The following STX16 variants were observed in gnomAD, a reference collection of about 807,000 sequenced individuals.
STX16 encodes syntaxin 16.
A neutral mutation model predicts 42.7 loss-of-function variants in STX16; 28 were observed. The ratio of observed to expected loss-of-function variants is 0.66; its 90% CI spans 0.49 to 0.90. The LOEUF (loss-of-function observed/expected upper bound fraction) is 0.90, where lower values mean the gene tolerates loss of function less well. Among genes scored for constraint, STX16 ranks in the 40% least tolerant of loss-of-function variants. The probability of loss-of-function intolerance (pLI) is 0.00; values close to 1 mark genes in which losing one functional copy is unlikely to be tolerated. For synonymous variants in STX16, 156 were observed against 155.2 expected (o/e 1.00, Z -0.04); for missense variants, 361 against 420.9 (o/e 0.86, Z 1.24).
At chr20:58,664,472 T>C (rs1038950099) in intron 2 of STX16, among the ~76,000 whole-genome samples, 6 of 152,242 alleles carry the variant, frequency 3.9e-5, no homozygotes, top group Admixed American at 2.0e-4. Context: ...TCTATCTTAC[T>C]GGCAAAACTC....
intron 1 of STX16, among the ~76,000 whole-genome samples, chr20:58,656,993 G>A (rs2083599287): frequency 6.6e-6 from 1 of 152,250 alleles, no homozygotes; most frequent in African/African-American, 2.4e-5. Context: ...GCTGGGGGCT[G>A]TGATTGGAAC....
intron 2 of STX16, among the ~76,000 whole-genome samples, chr20:58,665,443 G>A (rs1293505009): frequency 2.0e-5 from 3 of 152,120 alleles, no homozygotes; most frequent in African/African-American, 4.8e-5. Flanking sequence ...AGGGTGGAAG[G>A]GGTTTCTGGA....
intron 8 of STX16, among the ~76,000 whole-genome samples, chr20:58,673,969 A>G (rs2084043102): frequency 6.6e-6 from 1 of 152,236 alleles, no homozygotes; most frequent in Admixed American, 6.5e-5. Flanking sequence ...GTGACAGTAA[A>G]TTCTAAAGAG....
Position 58,671,187 on chromosome 20 carries a change from C to T in STX16, c.682C>T (p.Gln228Ter). The T allele has an allele frequency of 3.7e-6, 6 of 1,613,984 alleles. No homozygotes were observed. The highest frequency in any genetic ancestry group is 5.1e-6 in the Non-Finnish European group (6 of 1,179,952). Reference protein sequence around the residue: ...FTEDQLVLVEQNTLMVEERER... With the variant: ...FTEDQLVLVE Reference sequence around the variant, plus strand: ...AGAGGACCAGTTAGTTCTGGTGGAGCAGAACACACTGATGGTGGAAGAGCG... The same window carrying T: ...AGAGGACCAGTTAGTTCTGGTGGAGTAGAACACACTGATGGTGGAAGAGCG... The change falls in exon 7 of 9, where the codon CAG becomes TAG. Residue 228 changes from glutamine (Q) to a stop codon, truncating the protein, a stop_gained. Coordinates refer to ENST00000371141, the MANE Select transcript of STX16 (RefSeq NM_001001433.3). LOFTEE classifies it high-confidence loss of function.
chr20:58,656,388 T>TA, intron 1 of STX16, among the ~76,000 whole-genome samples: 1 of 152,358 alleles, frequency 6.6e-6, no homozygotes, highest in East Asian at 1.9e-4. Flanking sequence ...GTGCAGGTTT[T>TA]AAGGTAGCAA....
chr20:58,659,812 C>T (rs556895521), intron 2 of STX16, among the ~76,000 whole-genome samples, 178 bp downstream of exon 2: 3 of 152,228 alleles, frequency 2.0e-5, no homozygotes, highest in Non-Finnish European at 2.9e-5. Context: ...TATTTTCACA[C>T]CATGTGAACT....
rs1431618445 is a variant in STX16, at chr20:58,669,384, G to A, written c.487G>A (p.Ala163Thr). ...GGGGCGGCTGCTTGGGAACGTGGTG[G>A]CCTCGCTGGCGCAGGCCCTGCAGGA... ...QEGRLLGNVV[A>T]SLAQALQELS... The change falls in exon 5 of 9, where the codon GCC becomes ACC. Residue 163 changes from alanine (A) to threonine (T), a missense_variant. Coordinates refer to ENST00000371141, the MANE Select transcript of STX16 (RefSeq NM_001001433.3). 2 of 1,611,978 alleles carry A rather than the reference G, an allele frequency of 1.2e-6. No homozygotes were observed. Among genetic ancestry groups the A allele is most frequent in the Middle Eastern group, 1.7e-4 (1 of 6,056 alleles).
At chr20:58,667,402 C>T in intron 2 of STX16, 88 bp from the exon 3 acceptor site, 1 of 1,071,170 alleles carries the variant, frequency 9.3e-7, no homozygotes, top group Non-Finnish European at 1.4e-6. Context: ...TGTATCTTTT[C>T]AGGGAGTAAC....
chr20:58,669,984 A>T (rs1347567309), intron 5 of STX16, among the ~76,000 whole-genome samples: 1 of 152,186 alleles, frequency 6.6e-6, no homozygotes, highest in African/African-American at 2.4e-5. Flanking sequence ...CTCTCTTCTC[A>T]TTCTAATCAC....
At position 58,676,319 on chromosome 20, in the gene STX16, G is replaced by A. The variant is rs752895818; in HGVS notation, c.*28G>A. 39 of 1,590,150 alleles carry A rather than the reference G, an allele frequency of 2.5e-5. No individual in the cohort carries two copies. The highest frequency in any genetic ancestry group is 3.3e-5 in the South Asian group (3 of 90,520). On this transcript the variant is annotated 3_prime_UTR_variant, in exon 9 of 9. Transcript: ENST00000371141. ...GGCATTGGGTTTTCGTGTGTGCCGC[G>A]CGTGTGGATCTCCCGGGTGTGAGGG... is the stretch of plus-strand genomic sequence containing the variant.
At chr20:58,668,616 G>T (rs1412862845) in intron 4 of STX16, among the ~76,000 whole-genome samples, 1 of 151,564 alleles carries the variant, frequency 6.6e-6, no homozygotes, top group Non-Finnish European at 1.5e-5. Context: ...GAGGAGTGTG[G>T]TGCTTTGAGA....
At position 58,677,670 on chromosome 20, in the gene STX16, A is replaced by C. The variant is rs1335796206; in HGVS notation, c.*1379A>C. ...GTTTTTGCTTCTCTTAAAAAGTTTA[A>C]GAAGAATATGACCTCATTAAATGTG... On this transcript the variant is annotated 3_prime_UTR_variant, in exon 9 of 9. Coordinates refer to ENST00000371141, the MANE Select transcript of STX16 (RefSeq NM_001001433.3). 6.6e-6 allele frequency: 1 copy of C among 152,218 alleles called. No individual in the cohort carries two copies. Among genetic ancestry groups the C allele is most frequent in the Non-Finnish European group, 1.5e-5 (1 of 68,042 alleles). 9.4% of individuals were successfully genotyped at this position (152,218 alleles called of 1,614,324 possible).
At chr20:58,671,462 GTGTGTGTGTGTA>G (rs1568827785) in intron 7 of STX16, among the ~76,000 whole-genome samples, 165 bp downstream of exon 7, 54 of 121,100 alleles carry the variant, frequency 4.5e-4, no homozygotes, top group African/African-American at 1.7e-3. Context: ...GTGTGTGTGT[GTGTGTGTGTGTA>G]TATTAATATT....
At chr20:58,653,189 G>A (rs1600984092) in intron 1 of STX16, among the ~76,000 whole-genome samples, 1 of 152,182 alleles carries the variant, frequency 6.6e-6, no homozygotes, top group Non-Finnish European at 1.5e-5. Flanking sequence ...CACATTCTTG[G>A]GGGTTATACT....
At chr20:58,652,422 G>C (rs2083487815) in intron 1 of STX16, 1 of 489,624 alleles carries the variant, frequency 2.0e-6, no homozygotes, top group South Asian at 1.6e-5. Flanking sequence ...CAGGCCGCCT[G>C]TAATTTACAT....
intron 8 of STX16, among the ~76,000 whole-genome samples, 184 bp downstream of exon 8, chr20:58,673,895 A>C (rs1399175964): frequency 3.3e-5 from 5 of 152,226 alleles, no homozygotes; most frequent in Non-Finnish European, 7.3e-5. Flanking sequence ...TTGCCGTTTT[A>C]TTGCAGTTAA....
chr20:58,658,341 A>G lies in STX16; in HGVS notation c.133-1282A>G, dbSNP rs1347710247. On this transcript the variant is annotated intron_variant, in intron 1 of 8. Transcript: ENST00000371141. ...AAATAAAAACATTTTTTCTTTGTAA[A>G]GTAAAAGGTAATTAAATCAGCTTTC... Among the ~76,000 whole-genome samples the G allele has an allele frequency of 7.2e-5, 11 of 152,358 alleles. No homozygotes were observed. The East Asian group carries it at 2.1e-3, about 29-fold the overall frequency.
chr20:58,679,468 G>A lies in STX16; in HGVS notation c.*3177G>A, dbSNP rs1190261693. The A allele has an allele frequency of 6.6e-6, 1 of 152,296 alleles. No individual in the cohort carries two copies. Among genetic ancestry groups the A allele is most frequent in the East Asian group, 1.9e-4 (1 of 5,192 alleles). 9.4% of individuals were successfully genotyped at this position (152,296 alleles called of 1,614,324 possible). On this transcript the variant is annotated 3_prime_UTR_variant, in exon 9 of 9. Coordinates refer to ENST00000371141, the MANE Select transcript of STX16 (RefSeq NM_001001433.3). ...AATTTACTGTTACTGGAAACTTTTT[G>A]TACAATAAAGCAATCACGCAGATTA... is the stretch of plus-strand genomic sequence containing the variant.
intron 4 of STX16, among the ~76,000 whole-genome samples, chr20:58,668,749 A>T (rs2083899408): frequency 6.6e-6 from 1 of 151,840 alleles, no homozygotes; most frequent in African/African-American, 2.4e-5. Context: ...TAATCATAGT[A>T]CCATCCTCAT....
Sources: allele counts gnomAD v4.1 joint callset (sites outside exome capture counted in the v4.1 genomes callset), GRCh38; gene constraint gnomAD v4.1.1; transcripts MANE v1.5; gene names NCBI Gene and HGNC (gene_info 2026-07-23, HGNC 2026-07-21).